COL4A2: variants seen among roughly 807,000 people sequenced by gnomAD.
COL4A2 encodes collagen type IV alpha 2 chain, also known as collagen alpha-2(IV) chain.
COL4A2 carries 99 observed loss-of-function variants against 200.2 expected under a neutral mutation model. That is an observed-to-expected ratio of 0.49 (90% confidence interval 0.42 to 0.58). The LOEUF is 0.58. Among genes scored for constraint, COL4A2 ranks in the 20% least tolerant of loss-of-function variants. The pLI, the probability that COL4A2 is intolerant of heterozygous loss-of-function variation, is 0.00. For synonymous variants in COL4A2, 897 were observed against 900.6 expected, an observed-to-expected ratio of 1.00 and a Z score of 0.07; for missense variants, 1,950 against 2,314.1, an observed-to-expected ratio of 0.84 and a Z score of 3.23.
chr13:110,455,219 T>C (rs986307133), intron 20 of COL4A2, among the ~76,000 whole-genome samples: 1 of 152,148 alleles, frequency 6.6e-6, no homozygotes, highest in African/African-American at 2.4e-5. Context: ...CCTACTGCCC[T>C]CGGGGTAAAA....
At chr13:110,457,717 G>A (rs894564810) in intron 21 of COL4A2, 3 of 592,522 alleles carry the variant, frequency 5.1e-6, no homozygotes, top group East Asian at 3.9e-5. Context: ...GCTGAGTCCT[G>A]TGCTGGGTTA....
intron 4 of COL4A2, among the ~76,000 whole-genome samples, chr13:110,382,978 A>T (rs1201490125): frequency 6.6e-6 from 1 of 152,222 alleles, no homozygotes; most frequent in African/African-American, 2.4e-5. Context: ...TGAGTTATGG[A>T]TATTATTGTA....
chr13:110,374,818 C>T (rs1286331617), intron 4 of COL4A2, among the ~76,000 whole-genome samples: 1 of 152,220 alleles, frequency 6.6e-6, no homozygotes, highest in Non-Finnish European at 1.5e-5. Context: ...TCTGTAGTTT[C>T]ATTAAGTGGA....
intron 4 of COL4A2, among the ~76,000 whole-genome samples, chr13:110,416,020 G>T (rs1242697327): frequency 1.3e-5 from 2 of 152,264 alleles, no homozygotes; most frequent in Non-Finnish European, 2.9e-5. Flanking sequence ...GAGTGAGGTC[G>T]TAAGTATAGA....
intron 28 of COL4A2, among the ~76,000 whole-genome samples, chr13:110,471,201 T>C (rs1432884642): frequency 6.6e-6 from 1 of 152,198 alleles, no homozygotes; most frequent in East Asian, 1.9e-4. Flanking sequence ...GTGATTGGAG[T>C]GCCCAGCCAT....
chr13:110,375,486 G>T (rs1474733348), intron 4 of COL4A2, among the ~76,000 whole-genome samples: 1 of 152,124 alleles, frequency 6.6e-6, no homozygotes, highest in African/African-American at 2.4e-5. Flanking sequence ...TGCAAATAGG[G>T]CTCCCATTAA....
intron 3 of COL4A2, among the ~76,000 whole-genome samples, chr13:110,335,667 G>A (rs2139366242): frequency 6.6e-6 from 1 of 152,314 alleles, no homozygotes; most frequent in Non-Finnish European, 1.5e-5. Flanking sequence ...TCTTGTCCCT[G>A]ATGTCCACTC....
In COL4A2 at chr13:110,473,058, G is replaced by C; in HGVS notation, c.2333G>C (p.Gly778Ala). 3 of 1,530,038 alleles carry C rather than the reference G, an allele frequency of 2.0e-6. No individual in the cohort carries two copies. Among genetic ancestry groups the C allele is most frequent in the African/African-American group, 1.4e-5 (1 of 72,022 alleles). The allele number at this position is 1,530,038 out of a possible 1,614,324, so 94.8% of individuals were successfully genotyped here. A position where few individuals can be genotyped will look rare whatever the true frequency, so the allele number is the denominator to read the frequency against. Residue 778 changes from glycine (G) to alanine (A), a missense_variant, in exon 29 of 48, where the codon GGA becomes GCA. Transcript: ENST00000360467. ...GERGLPGEVL[G>A]AQPGPRGDAG... ...AGGGGCCTCCCTGGAGAAGTCCTGGGAGCTCAGCCCGGGCCACGGGGAGAT... is the reference window on the plus strand; with the variant it reads ...AGGGGCCTCCCTGGAGAAGTCCTGGCAGCTCAGCCCGGGCCACGGGGAGAT...
At chr13:110,468,229 C>T (rs1187430840) in intron 27 of COL4A2, 1 of 471,506 alleles carries the variant, frequency 2.1e-6, no homozygotes, top group Non-Finnish European at 4.4e-6. Context: ...GCAGAGGTAT[C>T]ATTTGCACTG....
rs74388317 is a variant in COL4A2 at position 110,321,210 on chromosome 13, A to G, written c.99+13087A>G. On this transcript the variant is annotated intron_variant, in intron 3 of 47. Coordinates refer to ENST00000360467, the MANE Select transcript of COL4A2 (RefSeq NM_001846.4). The stretch of plus-strand genomic sequence containing the variant: ...TGTGTGTGTGTATGTGTCTGTGTGT[A>G]TATATATATATATATACACACACAC... Among the ~76,000 whole-genome samples the G allele has an allele frequency of 3.0e-3, 416 of 138,216 alleles. 1 individual carries two copies. The highest frequency in any genetic ancestry group is 0.012 in the East Asian group (60 of 5,058). The allele number at this position is 138,216 out of a possible 152,430, so 90.7% of individuals were successfully genotyped here.
rs563808677 is a variant in COL4A2, at chr13:110,456,840, G to A, written c.1340-503G>A. 1.2e-4 allele frequency: 56 copies of A among 455,826 alleles called. 1 individual carries two copies. The highest frequency in any genetic ancestry group is 9.9e-5 in the South Asian group (6 of 60,358). The allele number at this position is 455,826 out of a possible 1,614,324, so 28.2% of individuals were successfully genotyped here. ...CCTGCGTCTGCGTGGAACCCCAGGC[G>A]TCCGTGGGGCTGATGCCCTGCGTCT... On this transcript the variant is annotated intron_variant, in intron 20 of 47. Transcript: ENST00000360467.
chr13:110,348,243 T>A (rs955799802), intron 3 of COL4A2, among the ~76,000 whole-genome samples: 1 of 152,244 alleles, frequency 6.6e-6, no homozygotes, highest in Non-Finnish European at 1.5e-5. Context: ...AGCGCCCCTG[T>A]CCTTCAGGCA....
chr13:110,374,363 G>A (rs991519640), intron 4 of COL4A2, among the ~76,000 whole-genome samples: 9 of 152,076 alleles, frequency 5.9e-5, no homozygotes, highest in African/African-American at 2.2e-4. Context: ...TTTCCCTGAG[G>A]GGCATCCTTT....
chr13:110,410,865 A>G (rs1879803265), intron 4 of COL4A2, among the ~76,000 whole-genome samples: 1 of 152,144 alleles, frequency 6.6e-6, no homozygotes, highest in South Asian at 2.1e-4. Flanking sequence ...CCCCGGTAGC[A>G]CTTCAAATCT....
intron 22 of COL4A2, chr13:110,459,171 AGTTCAATAGG>A (rs1881915831): frequency 1.4e-5 from 6 of 422,022 alleles, no homozygotes; most frequent in Non-Finnish European, 2.1e-5. Context: ...CTCTTGAAAG[AGTTCAATAGG>A]GGGTCACCAC....
intron 4 of COL4A2, among the ~76,000 whole-genome samples, chr13:110,417,817 T>C (rs1277784744): frequency 6.6e-6 from 1 of 152,092 alleles, no homozygotes; most frequent in Non-Finnish European, 1.5e-5. Flanking sequence ...TATTGCCAAA[T>C]AGCAATCCCA....
intron 26 of COL4A2, among the ~76,000 whole-genome samples, chr13:110,466,837 T>G (rs141089763): frequency 1.6e-4 from 25 of 152,338 alleles, no homozygotes; most frequent in African/African-American, 5.5e-4. Flanking sequence ...TTGCATTTTA[T>G]ACGAATATTT....
chr13:110,339,311 T>C (rs1020717987), intron 3 of COL4A2, among the ~76,000 whole-genome samples: 1 of 152,222 alleles, frequency 6.6e-6, no homozygotes, highest in African/African-American at 2.4e-5. Context: ...CACAATAGCA[T>C]CGTGATGAGA....
At chr13:110,422,074 T>A (rs1042544142) in intron 4 of COL4A2, among the ~76,000 whole-genome samples, 5 of 152,208 alleles carry the variant, frequency 3.3e-5, no homozygotes, top group African/African-American at 1.2e-4. Context: ...TGGATAGATA[T>A]GTAGTTTATG....
Sources: allele counts gnomAD v4.1 joint callset (sites outside exome capture counted in the v4.1 genomes callset), GRCh38; gene constraint gnomAD v4.1.1; transcripts MANE v1.5; gene names NCBI Gene and HGNC (gene_info 2026-07-23, HGNC 2026-07-21).